CHRM2: variants seen among roughly 807,000 people sequenced by gnomAD.
CHRM2 encodes the protein muscarinic acetylcholine receptor M2.
A neutral mutation model predicts 25.0 loss-of-function variants in CHRM2; 8 were observed. That is an observed-to-expected ratio of 0.32 (90% CI 0.19 to 0.58). The LOEUF is 0.58. Ranked by LOEUF, CHRM2 falls within the 20% of genes least tolerant of loss-of-function variation. CHRM2 has a pLI of 0.88. For missense variants in CHRM2, 440 were observed against 567.1 expected, an observed-to-expected ratio of 0.78 and a Z score of 2.28; for synonymous variants, 202 against 205.7, an observed-to-expected ratio of 0.98 and a Z score of 0.15.
intron 2 of CHRM2, among the ~76,000 whole-genome samples, chr7:136,927,413 T>C (rs531992975): frequency 6.6e-6 from 1 of 152,184 alleles, no homozygotes; most frequent in South Asian, 2.1e-4. Flanking sequence ...GGTGTGGGTG[T>C]GTGTGTGTAT....
intron 3 of CHRM2, among the ~76,000 whole-genome samples, chr7:137,011,194 C>CGTGTGTGTGTGTGTGTGT (rs146093146): frequency 5.9e-4 from 81 of 136,302 alleles, no homozygotes; most frequent in Non-Finnish European, 9.1e-4. Flanking sequence ...TATATGTGTA[C>CGTGTGTGTGTGTGTGTGT]GTGTGTGTGT....
chr7:136,949,646 G>A (rs1349973036), intron 2 of CHRM2, among the ~76,000 whole-genome samples: 4 of 151,764 alleles, frequency 2.6e-5, no homozygotes, highest in African/African-American at 9.7e-5. Flanking sequence ...TTCCCATCTG[G>A]CTCTGGAGGT....
At chr7:136,952,074 A>G (rs1371252355) in intron 2 of CHRM2, among the ~76,000 whole-genome samples, 1 of 152,186 alleles carries the variant, frequency 6.6e-6, no homozygotes, top group Admixed American at 6.5e-5. Context: ...TTAGGGTGGG[A>G]GCAGAACACA....
chr7:136,903,529 A>G (rs991521607), intron 2 of CHRM2, among the ~76,000 whole-genome samples: 1 of 152,046 alleles, frequency 6.6e-6, no homozygotes, highest in Non-Finnish European at 1.5e-5. Context: ...AAATGATAGA[A>G]GTATAAGTAA....
At chr7:136,909,241 G>A (rs986593117) in intron 2 of CHRM2, among the ~76,000 whole-genome samples, 3 of 151,920 alleles carry the variant, frequency 2.0e-5, no homozygotes, top group African/African-American at 7.2e-5. Context: ...AAACAAAAAG[G>A]AGAAGATAAT....
intron 3 of CHRM2, among the ~76,000 whole-genome samples, chr7:136,992,796 A>G (rs1803318847): frequency 6.6e-6 from 1 of 152,168 alleles, no homozygotes; most frequent in African/African-American, 2.4e-5. Flanking sequence ...AAACTATGAG[A>G]ACTGGCAATT....
chr7:136,936,654 C>T (rs950900128), intron 2 of CHRM2, among the ~76,000 whole-genome samples: 1 of 152,156 alleles, frequency 6.6e-6, no homozygotes, highest in Non-Finnish European at 1.5e-5. Flanking sequence ...TAAAGTAATA[C>T]AGACCTTAAG....
At chr7:136,889,194 G>A (rs1347418318) in intron 2 of CHRM2, among the ~76,000 whole-genome samples, 1 of 152,060 alleles carries the variant, frequency 6.6e-6, no homozygotes, top group African/African-American at 2.4e-5. Context: ...TGGTGGATAG[G>A]TGATTTCTGA....
At chr7:136,892,818 T>C (rs955932475) in intron 2 of CHRM2, among the ~76,000 whole-genome samples, 11 of 151,922 alleles carry the variant, frequency 7.2e-5, no homozygotes, top group Non-Finnish European at 1.3e-4. Context: ...TACAGGCACA[T>C]GCCACCACGC....
At chr7:136,987,009 G>A (rs771274320) in intron 2 of CHRM2, among the ~76,000 whole-genome samples, 4 of 152,094 alleles carry the variant, frequency 2.6e-5, no homozygotes, top group East Asian at 1.9e-4. Context: ...GAAACGAACA[G>A]GCAAAACCTG....
chr7:136,885,380 A>G (rs1272442092), intron 2 of CHRM2, among the ~76,000 whole-genome samples: 1 of 152,250 alleles, frequency 6.6e-6, no homozygotes, highest in Non-Finnish European at 1.5e-5. Context: ...CAGGGGTATC[A>G]TCTGTATAGC....
chr7:136,976,782 G>A (rs1199850051), intron 2 of CHRM2, among the ~76,000 whole-genome samples: 1 of 152,154 alleles, frequency 6.6e-6, no homozygotes, highest in Non-Finnish European at 1.5e-5. Context: ...TTTGAAGAGA[G>A]AAACTCTTAC....
intron 2 of CHRM2, among the ~76,000 whole-genome samples, chr7:136,913,488 C>G (rs895684761): frequency 2.0e-5 from 3 of 151,890 alleles, no homozygotes; most frequent in Non-Finnish European, 4.4e-5. Flanking sequence ...ACATCCACAG[C>G]AAATATATCT....
intron 2 of CHRM2, among the ~76,000 whole-genome samples, chr7:136,953,976 G>A (rs1278174252): frequency 6.6e-6 from 1 of 152,102 alleles, no homozygotes; most frequent in Non-Finnish European, 1.5e-5. Context: ...TCTTGGGCCA[G>A]AGCTGGACTG....
chr7:136,929,983 T>C (rs1798964916), intron 2 of CHRM2, among the ~76,000 whole-genome samples: 2 of 152,044 alleles, frequency 1.3e-5, no homozygotes, highest in Non-Finnish European at 2.9e-5. Flanking sequence ...CTGTTAGTCA[T>C]CACATTAAGT....
chr7:136,913,038 C>G (rs1797926505), intron 2 of CHRM2, among the ~76,000 whole-genome samples: 1 of 151,762 alleles, frequency 6.6e-6, no homozygotes, highest in African/African-American at 2.4e-5. Context: ...AGAAAGAAAA[C>G]CTAGAATACA....
intron 2 of CHRM2, among the ~76,000 whole-genome samples, chr7:136,923,034 A>C (rs1220668600): frequency 1.3e-5 from 2 of 152,210 alleles, no homozygotes; most frequent in African/African-American, 4.8e-5. Context: ...TTAAATGCTT[A>C]GCAAATTCAA....
intron 2 of CHRM2, among the ~76,000 whole-genome samples, chr7:136,919,274 CA>C (rs1798292992): frequency 6.6e-6 from 1 of 151,990 alleles, no homozygotes; most frequent in African/African-American, 2.4e-5. Context: ...TAAATACGAC[CA>C]TACTAAGGTC....
At chr7:136,881,354 T>C (rs1796259669) in intron 2 of CHRM2, among the ~76,000 whole-genome samples, 1 of 151,796 alleles carries the variant, frequency 6.6e-6, no homozygotes, top group Non-Finnish European at 1.5e-5. Flanking sequence ...TAGCACTGAA[T>C]GACAGTCCAT....
Sources: allele counts gnomAD v4.1 joint callset (sites outside exome capture counted in the v4.1 genomes callset), GRCh38; gene constraint gnomAD v4.1.1; transcripts MANE v1.5; gene names NCBI Gene and HGNC (gene_info 2026-07-23, HGNC 2026-07-21).